The following PPP1CB variants were observed in gnomAD, a reference collection of about 807,000 sequenced individuals.
The protein encoded by PPP1CB is protein phosphatase 1 catalytic subunit beta, also known as serine/threonine-protein phosphatase PP1-beta catalytic subunit.
Under a neutral mutation model 43.7 loss-of-function variants are expected in PPP1CB, and 2 were observed. The ratio of observed to expected loss-of-function variants is 0.05; its 90% confidence interval spans 0.02 to 0.14. The LOEUF is 0.14. PPP1CB is among the 10% of genes least tolerant of loss of function. PPP1CB has a pLI of 1.00. For synonymous variants in PPP1CB, 136 were observed against 135.6 expected (o/e 1.00, Z -0.02); for missense variants, 84 against 398.0 (o/e 0.21, Z 6.71).
At chr2:28,753,436 A>G (rs1666392793) in intron 1 of PPP1CB, among the ~76,000 whole-genome samples, 1 of 152,234 alleles carries the variant, frequency 6.6e-6, no homozygotes, top group African/African-American at 2.4e-5. Context: ...TATTTGCTCC[A>G]GATGTGAAAG....
At chr2:28,767,080 C>CAA (rs70956037) in intron 1 of PPP1CB, among the ~76,000 whole-genome samples, 16 of 142,010 alleles carry the variant, frequency 1.1e-4, no homozygotes, top group African/African-American at 4.2e-4. Flanking sequence ...GACTCCATCT[C>CAA]AAAAAAAAAA....
chr2:28,773,519 T>C (rs977399788), intron 1 of PPP1CB, among the ~76,000 whole-genome samples: 6 of 152,238 alleles, frequency 3.9e-5, no homozygotes, highest in Non-Finnish European at 7.3e-5. Flanking sequence ...AAATGATTGA[T>C]GTGAAGGTGC....
Position 28,776,978 on chromosome 2 carries a change from T to C in PPP1CB, c.180T>C (p.Ile60=), listed in dbSNP as rs1339330369. The change falls in exon 2 of 8, where the codon ATT becomes ATC. Residue 60 remains isoleucine (I), a synonymous_variant. Transcript: ENST00000395366. The stretch of plus-strand genomic sequence containing the variant: ...TGGAATTGGAAGCACCGCTGAAAAT[T>C]TGTGGTATGTAAATGGGTAAAGTTG... ...ILLELEAPLK[I]CGDIHGQYTD... 2 of 1,613,206 alleles carry C rather than the reference T, an allele frequency of 1.2e-6. No individual in the cohort carries two copies. The highest frequency in any genetic ancestry group is 1.7e-6 in the Non-Finnish European group (2 of 1,179,342).
chr2:28,797,566 T>C (rs1667521473), intron 7 of PPP1CB, among the ~76,000 whole-genome samples: 1 of 152,166 alleles, frequency 6.6e-6, no homozygotes, highest in South Asian at 2.1e-4. Context: ...AATTCATTTC[T>C]TGGGAGCGCA....
chr2:28,759,871 G>A (rs1161044062), intron 1 of PPP1CB, among the ~76,000 whole-genome samples: 2 of 152,038 alleles, frequency 1.3e-5, no homozygotes, highest in Admixed American at 6.6e-5. Context: ...CGCCTGCCTC[G>A]GCCTCCCAAA....
intron 1 of PPP1CB, among the ~76,000 whole-genome samples, chr2:28,759,006 A>C (rs1429307156): frequency 1.3e-5 from 2 of 152,228 alleles, no homozygotes; most frequent in Non-Finnish European, 2.9e-5. Flanking sequence ...AAGGTGACCA[A>C]AACACTTTCT....
chr2:28,801,549 C>G lies in PPP1CB; in HGVS notation c.*2246C>G, dbSNP rs1667617106. 1 of 151,808 alleles carries G rather than the reference C, an allele frequency of 6.6e-6. No homozygotes were observed. Among genetic ancestry groups the G allele is most frequent in the Non-Finnish European group, 1.5e-5 (1 of 67,960 alleles). The allele number at this position is 151,808 out of a possible 1,614,324, so 9.4% of individuals were successfully genotyped here. ...CATGTTTAAAAATTATTCAAGCACT[C>G]TTAAAACCACTTAAACAGCCTCCAG... On this transcript the variant is annotated 3_prime_UTR_variant, in exon 8 of 8. Coordinates refer to ENST00000395366, the MANE Select transcript of PPP1CB (RefSeq NM_002709.3).
intron 5 of PPP1CB, among the ~76,000 whole-genome samples, chr2:28,785,684 G>A (rs78987533): frequency 3.3e-5 from 5 of 151,754 alleles, no homozygotes; most frequent in African/African-American, 4.8e-5. Flanking sequence ...GCCACATGTC[G>A]CAGCACCGCG....
At chr2:28,753,658 G>A (rs574052129) in intron 1 of PPP1CB, among the ~76,000 whole-genome samples, 12 of 152,148 alleles carry the variant, frequency 7.9e-5, no homozygotes, top group Non-Finnish European at 1.5e-4. Flanking sequence ...TGTTTTATGA[G>A]GGAAATACAG....
intron 1 of PPP1CB, among the ~76,000 whole-genome samples, chr2:28,756,658 T>A (rs923951692): frequency 1.3e-5 from 2 of 152,130 alleles, no homozygotes; most frequent in Non-Finnish European, 2.9e-5. Flanking sequence ...TAATTTTTTT[T>A]ATTTTGGTAG....
At chr2:28,795,016 C>T (rs1667471087) in intron 7 of PPP1CB, among the ~76,000 whole-genome samples, 1 of 152,000 alleles carries the variant, frequency 6.6e-6, no homozygotes, top group African/African-American at 2.4e-5. Context: ...CTAGTAGTCC[C>T]CAGTGTCTAT....
intron 7 of PPP1CB, among the ~76,000 whole-genome samples, 185 bp downstream of exon 7, chr2:28,794,182 A>G (rs1183500398): frequency 1.3e-5 from 2 of 152,258 alleles, no homozygotes; most frequent in African/African-American, 4.8e-5. Context: ...TTTGTGGTAT[A>G]TATCAAATAT....
At chr2:28,762,920 T>A (rs1666689334) in intron 1 of PPP1CB, among the ~76,000 whole-genome samples, 1 of 152,242 alleles carries the variant, frequency 6.6e-6, no homozygotes, top group Non-Finnish European at 1.5e-5. Context: ...GTTTCTAGAA[T>A]TTTAGTTTGT....
intron 5 of PPP1CB, among the ~76,000 whole-genome samples, chr2:28,786,479 AT>A (rs1481691726): frequency 6.6e-6 from 1 of 152,054 alleles, no homozygotes; most frequent in African/African-American, 2.4e-5. Flanking sequence ...CCATTATTTG[AT>A]TTTTTTAATG....
chr2:28,769,633 A>C (rs916620071), intron 1 of PPP1CB, among the ~76,000 whole-genome samples: 3 of 152,230 alleles, frequency 2.0e-5, no homozygotes, highest in African/African-American at 7.2e-5. Context: ...GGTAAGGATA[A>C]ATGTGAGTAA....
chr2:28,759,808 G>A (rs1241616251), intron 1 of PPP1CB, among the ~76,000 whole-genome samples: 2 of 151,900 alleles, frequency 1.3e-5, no homozygotes, highest in Admixed American at 6.6e-5. Context: ...TAGTAGAGAC[G>A]GGGTTTCACC....
At position 28,800,226 on chromosome 2, in the gene PPP1CB, C is replaced by CTTTTTTTTTTTTTTTTTTTTTTTT. The variant is rs55736905; in HGVS notation, c.*946_*947insTTTTTTTTTTTTTTTTTTTTTTTT. On this transcript the variant is annotated 3_prime_UTR_variant, in exon 8 of 8. Coordinates refer to ENST00000395366, the MANE Select transcript of PPP1CB (RefSeq NM_002709.3). ...TTGGTTTTCTTTTTCTTTTTTCTTT[C>CTTTTTTTTTTTTTTTTTTTTTTTT]TTTTTTTTTTTTTTTTTTTTTTTGA... 6 of 65,612 alleles carry CTTTTTTTTTTTTTTTTTTTTTTTT rather than the reference C, an allele frequency of 9.1e-5. No homozygotes were observed. The highest frequency in any genetic ancestry group is 1.4e-4 in the Non-Finnish European group (5 of 36,880). The allele number at this position is 65,612 out of a possible 1,614,324, so 4.1% of individuals were successfully genotyped here.
intron 3 of PPP1CB, 35 bp from the exon 4 acceptor site, chr2:28,781,703 G>A (rs1558306355): frequency 2.1e-6 from 3 of 1,443,540 alleles, no homozygotes; most frequent in Non-Finnish European, 2.9e-6. Flanking sequence ...AACAGTTTTA[G>A]ATTTTTTAAT....
intron 1 of PPP1CB, among the ~76,000 whole-genome samples, chr2:28,771,117 G>A (rs1443450577): frequency 2.2e-5 from 3 of 134,308 alleles, no homozygotes; most frequent in Non-Finnish European, 4.6e-5. Flanking sequence ...GCAGTGGCAC[G>A]ATCGTGGCTC....
Sources: gnomAD v4.1 joint callset for allele counts (sites outside exome capture counted in the v4.1 genomes callset) on GRCh38, gnomAD v4.1.1 for gene constraint, MANE v1.5 for transcripts, NCBI Gene and HGNC (gene_info 2026-07-23, HGNC 2026-07-21) for gene names.